RIMS2: variants seen among roughly 807,000 people sequenced by gnomAD.
RIMS2 encodes regulating synaptic membrane exocytosis 2, also known as regulating synaptic membrane exocytosis protein 2.
Under a neutral mutation model 174.4 loss-of-function variants are expected in RIMS2, and 59 were observed. The observed-to-expected ratio is 0.34, with a 90% CI of 0.27 to 0.42. The LOEUF is 0.42. Among genes scored for constraint, RIMS2 ranks in the 10% least tolerant of loss-of-function variants. The probability of loss-of-function intolerance (pLI) is 1.00; values close to 1 mark genes in which losing one functional copy is unlikely to be tolerated. For synonymous variants in RIMS2, 606 were observed against 572.5 expected (o/e 1.06, Z -0.84); for missense variants, 1,620 against 1,666.3 (o/e 0.97, Z 0.48).
chr8:104,017,076 AT>A (rs1238239751), intron 19 of RIMS2, among the ~76,000 whole-genome samples: 2 of 151,942 alleles, frequency 1.3e-5, no homozygotes, highest in East Asian at 3.9e-4. Flanking sequence ...AGTATGGATG[AT>A]TTTTTAAAGT....
intron 19 of RIMS2, among the ~76,000 whole-genome samples, chr8:104,135,613 CAA>C (rs35163912): frequency 0.25 from 19,529 of 78,870 alleles, 891 homozygotes; most frequent in South Asian, 0.35. Context: ...CTCCCAACCT[CAA>C]AAAAAAAAAA....
At chr8:104,246,073 A>G (rs1286309349) in intron 20 of RIMS2, among the ~76,000 whole-genome samples, 2 of 152,224 alleles carry the variant, frequency 1.3e-5, no homozygotes, top group South Asian at 2.1e-4. Context: ...GCAAAGAACT[A>G]TATTAGATAC....
In RIMS2 at chr8:104,104,669, G is replaced by T. The variant is rs1267716591; in HGVS notation, c.3334+90054G>T. On this transcript the variant is annotated intron_variant, in intron 19 of 23. Transcript: ENST00000504942. ...GCCTGTAATCCGAGCACTTTGGAAG[G>T]CCAAGGCAGTTAAATAGCTTGACTG... is the stretch of plus-strand genomic sequence containing the variant. 2.6e-5 allele frequency among the ~76,000 whole-genome samples: 4 copies of T among 152,266 alleles called. No individual in the cohort carries two copies. The Middle Eastern group carries it at 0.01, about 388-fold the overall frequency.
chr8:103,725,164 G>A (rs551588472), intron 2 of RIMS2, among the ~76,000 whole-genome samples: 4 of 152,278 alleles, frequency 2.6e-5, no homozygotes, highest in African/African-American at 9.6e-5. Context: ...CACCAGTGGA[G>A]TTAGTTTCCT....
At chr8:104,067,243 CTG>C (rs954948699) in intron 19 of RIMS2, among the ~76,000 whole-genome samples, 5 of 152,098 alleles carry the variant, frequency 3.3e-5, no homozygotes, top group African/African-American at 1.2e-4. Context: ...CCTAAACACA[CTG>C]TGTGAATTTA....
At chr8:103,684,539 T>TTTTTATTTTA (rs71297228) in intron 1 of RIMS2, among the ~76,000 whole-genome samples, 8,348 of 134,196 alleles carry the variant, frequency 0.062, 388 homozygotes, top group Non-Finnish European at 0.092. Flanking sequence ...GTTCATACTT[T>TTTTTATTTTA]TTTTATTTTA....
intron 2 of RIMS2, among the ~76,000 whole-genome samples, chr8:103,741,695 G>A (rs545048945): frequency 9.2e-5 from 14 of 152,082 alleles, no homozygotes; most frequent in South Asian, 2.1e-4. Context: ...TCATTTTAGC[G>A]TCCCTGCCGA....
At chr8:104,212,441 T>G (rs960167088) in intron 19 of RIMS2, among the ~76,000 whole-genome samples, 2 of 152,090 alleles carry the variant, frequency 1.3e-5, no homozygotes, top group Non-Finnish European at 2.9e-5. Context: ...AGATAATAAT[T>G]TCAGATTAAA....
rs16870580 is a variant in RIMS2, at chr8:103,620,949, T to C, written c.177-76137T>C. On this transcript the variant is annotated intron_variant, in intron 1 of 23. Coordinates refer to ENST00000504942, the Ensembl canonical transcript of RIMS2. ...ATGTGGGAAGGAAAATTTCACTGCA[T>C]ACTTTTTGTAACTTTTGAACTATGT... is the stretch of plus-strand genomic sequence containing the variant. 7.8e-3 allele frequency among the ~76,000 whole-genome samples: 1,186 copies of C among 152,348 alleles called. 38 individuals carry two copies. Among genetic ancestry groups the C allele is most frequent in the Admixed American group, 0.057 (866 of 15,304 alleles).
chr8:103,641,483 G>C (rs187711583), intron 1 of RIMS2, among the ~76,000 whole-genome samples: 1 of 152,142 alleles, frequency 6.6e-6, no homozygotes, highest in East Asian at 1.9e-4. Flanking sequence ...TTGTCTAACT[G>C]TATGTATGTA....
chr8:103,885,161 T>TA, intron 3 of RIMS2, 137 bp from the exon 7 acceptor site: 1 of 1,252,276 alleles, frequency 8.0e-7, no homozygotes, highest in Non-Finnish European at 1.1e-6. Context: ...AAACCATTGT[T>TA]ACGCTATGCC....
intron 19 of RIMS2, among the ~76,000 whole-genome samples, chr8:104,194,288 CA>C (rs1019743938): frequency 6.6e-6 from 1 of 152,016 alleles, no homozygotes; most frequent in African/African-American, 2.4e-5. Context: ...AATAGTTTAC[CA>C]AAATTATGAG....
intron 19 of RIMS2, among the ~76,000 whole-genome samples, chr8:104,033,879 TCAA>T (rs1367425679): frequency 6.6e-6 from 1 of 152,172 alleles, no homozygotes; most frequent in Admixed American, 6.5e-5. Context: ...AGATGATATT[TCAA>T]CAACATGTTT....
intron 1 of RIMS2, among the ~76,000 whole-genome samples, chr8:103,623,881 A>T (rs555646172): frequency 1.3e-5 from 2 of 152,196 alleles, no homozygotes; most frequent in South Asian, 4.1e-4. Flanking sequence ...CACATTAACT[A>T]AATATCCTCT....
chr8:103,728,453 T>C (rs1327885014), intron 2 of RIMS2, among the ~76,000 whole-genome samples: 2 of 152,134 alleles, frequency 1.3e-5, no homozygotes, highest in Non-Finnish European at 2.9e-5. Flanking sequence ...TGTCTAGGAC[T>C]TCCAGTACTA....
intron 3 of RIMS2, among the ~76,000 whole-genome samples, chr8:103,859,217 T>G (rs1383340029): frequency 1.3e-5 from 2 of 152,114 alleles, no homozygotes; most frequent in Non-Finnish European, 2.9e-5. Context: ...AACTGACAAT[T>G]ACCTTCAGCT....
At chr8:103,870,980 C>T (rs2099108721) in intron 3 of RIMS2, among the ~76,000 whole-genome samples, 1 of 152,184 alleles carries the variant, frequency 6.6e-6, no homozygotes, top group African/African-American at 2.4e-5. Context: ...ATCCAACTTT[C>T]ATTTATGGCC....
At chr8:103,699,997 T>C (rs1336049326) in intron 2 of RIMS2, among the ~76,000 whole-genome samples, 1 of 152,194 alleles carries the variant, frequency 6.6e-6, no homozygotes, top group Non-Finnish European at 1.5e-5. Context: ...GCCCAGAATA[T>C]GGTTACTTTG....
intron 10 of RIMS2, chr8:103,927,825 T>C: frequency 6.3e-7 from 1 of 1,596,236 alleles, no homozygotes; most frequent in Non-Finnish European, 8.6e-7. Context: ...GCTTTTTTCT[T>C]TAATTTTGCT....
Sources: allele counts gnomAD v4.1 joint callset (sites outside exome capture counted in the v4.1 genomes callset), GRCh38; gene constraint gnomAD v4.1.1; transcripts MANE v1.5; gene names NCBI Gene and HGNC (gene_info 2026-07-23, HGNC 2026-07-21).